FGF14: variants seen among roughly 807,000 people sequenced by gnomAD.
FGF14 encodes the protein fibroblast growth factor homologous factor 4.
FGF14 carries 5 observed loss-of-function variants against 25.5 expected under a neutral mutation model. The ratio of observed to expected loss-of-function variants is 0.20; its 90% CI spans 0.10 to 0.41. The LOEUF is 0.41. Ranked by LOEUF, FGF14 falls within the 10% of genes least tolerant of loss-of-function variation. The pLI is 1.00. For synonymous variants in FGF14, 138 were observed against 118.3 expected, an observed-to-expected ratio of 1.17 and a Z score of -1.08; for missense variants, 222 against 320.1, an observed-to-expected ratio of 0.69 and a Z score of 2.34.
At chr13:101,806,465 A>G (rs564142668) in intron 3 of FGF14, among the ~76,000 whole-genome samples, 1 of 151,526 alleles carries the variant, frequency 6.6e-6, no homozygotes, top group Non-Finnish European at 1.5e-5. Flanking sequence ...GTATATGTAC[A>G]TTGAGAAAAT....
chr13:101,796,488 C>A (rs913313833), intron 3 of FGF14, among the ~76,000 whole-genome samples: 1 of 151,850 alleles, frequency 6.6e-6, no homozygotes, highest in Admixed American at 6.6e-5. Context: ...AAATTATATT[C>A]CCCCCAAATT....
chr13:102,084,242 T>C (rs755351522), intron 1 of FGF14, among the ~76,000 whole-genome samples: 1 of 152,186 alleles, frequency 6.6e-6, no homozygotes, highest in Non-Finnish European at 1.5e-5. Context: ...TTTATTTTTC[T>C]TTTGCACTCA....
chr13:102,362,904 GA>G (rs1303125047), intron 1 of FGF14, among the ~76,000 whole-genome samples: 4 of 151,978 alleles, frequency 2.6e-5, no homozygotes, highest in African/African-American at 7.3e-5. Flanking sequence ...ATCATGAAGG[GA>G]AAAACTTACA....
intron 1 of FGF14, among the ~76,000 whole-genome samples, chr13:101,878,050 T>C (rs2045495327): frequency 6.6e-6 from 1 of 152,166 alleles, no homozygotes; most frequent in Non-Finnish European, 1.5e-5. Context: ...CTCTTCACCA[T>C]CCACTGAGTT....
chr13:101,904,704 A>G (rs1046081120), intron 1 of FGF14, among the ~76,000 whole-genome samples: 1 of 152,200 alleles, frequency 6.6e-6, no homozygotes, highest in African/African-American at 2.4e-5. Flanking sequence ...AAAGTACTTA[A>G]CAGTGTAATA....
chr13:102,252,236 G>A (rs2052216291), intron 1 of FGF14, among the ~76,000 whole-genome samples: 2 of 152,158 alleles, frequency 1.3e-5, no homozygotes, highest in South Asian at 4.1e-4. Context: ...ACATGGCTGA[G>A]GCCACTGAGG....
At chr13:102,246,139 C>T (rs12430941) in intron 1 of FGF14, among the ~76,000 whole-genome samples, 7,152 of 151,994 alleles carry the variant, frequency 0.047, 293 homozygotes, top group East Asian at 0.16. Context: ...TAAGCCACTG[C>T]GAGATACATT....
chr13:101,855,634 A>T (rs527909346), intron 3 of FGF14, among the ~76,000 whole-genome samples: 1 of 152,094 alleles, frequency 6.6e-6, no homozygotes, highest in African/African-American at 2.4e-5. Flanking sequence ...TTTATAAAAA[A>T]GTTAAAATTG....
chr13:102,141,495 T>C lies in FGF14; in HGVS notation c.208+259976A>G, dbSNP rs149982622. ...TAAAACAGATTTCAAGACGAGAAAA[T>C]GCATTTGTGGAAAATGTACTTACTT... On this transcript the variant is annotated intron_variant, in intron 1 of 4. Transcript: ENST00000376131. Among the ~76,000 whole-genome samples the C allele has an allele frequency of 9.2e-5, 14 of 152,262 alleles. No individual in the cohort carries two copies. In the East Asian group the frequency reaches 2.7e-3, roughly 29 times the overall value.
upstream of FGF14, chr13:102,401,822 G>T (rs2058708847): frequency 1.3e-6 from 1 of 741,358 alleles, no homozygotes; most frequent in Non-Finnish European, 2.3e-6. Context: ...ATTACCAAAG[G>T]GTTGGAGAAA....
intron 1 of FGF14, among the ~76,000 whole-genome samples, chr13:102,040,663 T>C (rs2041688488): frequency 6.6e-6 from 1 of 152,186 alleles, no homozygotes; most frequent in Non-Finnish European, 1.5e-5. Flanking sequence ...TTCCCAATTC[T>C]GCTTCCGTGT....
chr13:102,212,166 T>C (rs927715619), intron 1 of FGF14, among the ~76,000 whole-genome samples: 1 of 152,220 alleles, frequency 6.6e-6, no homozygotes, highest in African/African-American at 2.4e-5. Flanking sequence ...TATTCCATAC[T>C]AGTTCCCACT....
At chr13:102,062,798 A>G (rs986778241) in intron 1 of FGF14, among the ~76,000 whole-genome samples, 3 of 152,188 alleles carry the variant, frequency 2.0e-5, no homozygotes, top group Non-Finnish European at 4.4e-5. Flanking sequence ...ACTCTCAATG[A>G]TAAGAAAAAA....
intron 1 of FGF14, among the ~76,000 whole-genome samples, chr13:102,279,246 ATTC>A (rs34158103): frequency 0.11 from 17,080 of 152,112 alleles, 1,302 homozygotes; most frequent in African/African-American, 0.21. Flanking sequence ...CAATGTTTTC[ATTC>A]TTCTCCCAAG....
At chr13:102,161,725 A>T (rs866066842) in intron 1 of FGF14, among the ~76,000 whole-genome samples, 1 of 149,728 alleles carries the variant, frequency 6.7e-6, no homozygotes, top group Non-Finnish European at 1.5e-5. Context: ...GAAGAAGAAG[A>T]ATAGAAATGT....
intron 3 of FGF14, among the ~76,000 whole-genome samples, chr13:101,731,928 T>C (rs565005483): frequency 1.3e-5 from 2 of 152,314 alleles, no homozygotes; most frequent in South Asian, 4.1e-4. Context: ...TCACAAAACC[T>C]AAAATGTTTA....
intron 3 of FGF14, among the ~76,000 whole-genome samples, chr13:101,823,807 A>T (rs541121035): frequency 1.1e-3 from 161 of 149,800 alleles, no homozygotes; most frequent in African/African-American, 3.7e-3. Context: ...GATACATATT[A>T]TATGTACATA....
intron 3 of FGF14, among the ~76,000 whole-genome samples, chr13:101,786,219 C>A (rs1397292061): frequency 6.6e-6 from 1 of 152,240 alleles, no homozygotes; most frequent in East Asian, 1.9e-4. Flanking sequence ...TTCACTAAGT[C>A]TGTCTGTCAT....
intron 3 of FGF14, among the ~76,000 whole-genome samples, chr13:101,793,653 A>G (rs1195662669): frequency 3.3e-5 from 5 of 152,072 alleles, no homozygotes; most frequent in Non-Finnish European, 7.4e-5. Context: ...AGGAACCTCC[A>G]TACAATTTTC....
Sources: gnomAD v4.1 joint callset for allele counts (sites outside exome capture counted in the v4.1 genomes callset) on GRCh38, gnomAD v4.1.1 for gene constraint, MANE v1.5 for transcripts, NCBI Gene and HGNC (gene_info 2026-07-23, HGNC 2026-07-21) for gene names.